HNRNPU: variants seen among roughly 807,000 people sequenced by gnomAD.
HNRNPU encodes the protein heterogeneous nuclear ribonucleoprotein U, also known as HNRNPU antisense RNA 1.
In HNRNPU, 5 loss-of-function variants were observed where a neutral mutation model predicts 94.7. The observed-to-expected ratio is 0.05, with a 90% CI of 0.03 to 0.11. The LOEUF is 0.11. Ranked by LOEUF, HNRNPU falls within the 10% of genes least tolerant of loss-of-function variation. The pLI, the probability that HNRNPU is intolerant of heterozygous loss-of-function variation, is 1.00. For missense variants in HNRNPU, 710 were observed against 1,049.2 expected (o/e 0.68, Z 4.47); for synonymous variants, 434 against 381.6 (o/e 1.14, Z -1.60).
rs1333336140 is a variant in HNRNPU at position 244,853,068 on chromosome 1, T to G, written c.*1382A>C. The G allele has an allele frequency of 6.6e-6, 1 of 152,574 alleles. No homozygotes were observed. The highest frequency in any genetic ancestry group is 1.5e-5 in the Non-Finnish European group (1 of 68,016). The allele number at this position is 152,574 out of a possible 1,614,324, so 9.5% of individuals were successfully genotyped here. A position where few individuals can be genotyped will look rare whatever the true frequency, so the allele number is the denominator to read the frequency against. ...ATCCCAGAGTTTCATGTATCATATATATGTATATAAAATAATCAGTTGAGG... is the reference window on the plus strand; with the variant it reads ...ATCCCAGAGTTTCATGTATCATATAGATGTATATAAAATAATCAGTTGAGG... On this transcript the variant is annotated 3_prime_UTR_variant, in exon 14 of 14. Transcript: ENST00000640218.
intron 5 of HNRNPU, 183 bp downstream of exon 5, chr1:244,859,092 C>A: frequency 1.7e-6 from 1 of 578,384 alleles, no homozygotes; most frequent in South Asian, 2.4e-5. Context: ...TCATAAACTT[C>A]TAATAAAGGA....
chr1:244,858,333 C>T, intron 6 of HNRNPU, 59 bp from the exon 7 acceptor site: 1 of 1,493,334 alleles, frequency 6.7e-7, no homozygotes, highest in Non-Finnish European at 9.1e-7. Context: ...TTCTAAAAAA[C>T]TAAGAATTAA....
In HNRNPU at chr1:244,862,552, C is replaced by T; in HGVS notation, c.804-18G>A. 6.2e-7 allele frequency: 1 copy of T among 1,612,450 alleles called. No individual in the cohort carries two copies. Among genetic ancestry groups the T allele is most frequent in the Non-Finnish European group, 8.5e-7 (1 of 1,178,478 alleles). ...ATTTGGCTCTGAAAGACAGAATTGT[C>T]TCCTGATACAGCTTTCCGATCAACG... On this transcript the variant is annotated intron_variant, in intron 2 of 13. Transcript: ENST00000640218.
Position 244,856,520 on chromosome 1 carries a change from T to C in HNRNPU, c.1849A>G (p.Thr617Ala). 6.2e-7 allele frequency: 1 copy of C among 1,614,140 alleles called. No individual in the cohort carries two copies. The change falls in exon 10 of 14, where the codon ACA becomes GCA. Residue 617 changes from threonine to alanine, a missense_variant. Around this residue, in one of 8 missense-constraint regions of HNRNPU, gnomAD observed 31 missense variants for 132.4 expected, o/e 0.23. Coordinates refer to ENST00000640218, the MANE Select transcript of HNRNPU (RefSeq NM_031844.3). ...CCCTCTACTTCTGCTTTCTTCTGTG[T>C]TCTTTGCTTATAGTCTTCATCTTTT... is the stretch of plus-strand genomic sequence containing the variant. ...CPKDEDYKQR[T>A]QKKAEVEGKD...
At chr1:244,863,420 A>ACACACACG (rs555181156) in intron 1 of HNRNPU, among the ~76,000 whole-genome samples, 197 bp downstream of exon 1, 23 of 138,878 alleles carry the variant, frequency 1.7e-4, no homozygotes, top group South Asian at 4.7e-4. Context: ...ACACACACAC[A>ACACACACG]CGCGCGCGCG....
At position 244,863,516 on chromosome 1, in the gene HNRNPU, G is replaced by A. The variant is rs1007711309; in HGVS notation, c.691+101C>T. The A allele has an allele frequency of 3.7e-5, 20 of 546,642 alleles. No individual in the cohort carries two copies. In the African/African-American group the frequency reaches 3.8e-4, roughly 10 times the overall value. The allele number at this position is 546,642 out of a possible 1,614,324, so 33.9% of individuals were successfully genotyped here. A position where few individuals can be genotyped will look rare whatever the true frequency, so the allele number is the denominator to read the frequency against. On this transcript the variant is annotated intron_variant, in intron 1 of 13. Coordinates refer to ENST00000640218, the MANE Select transcript of HNRNPU (RefSeq NM_031844.3). Reference sequence around the variant, plus strand: ...CCCACCCTCACCGCGGCGCCCTCCCGCCCGGGGCTCCCTCCCCCTGCGGGG... The same window carrying A: ...CCCACCCTCACCGCGGCGCCCTCCCACCCGGGGCTCCCTCCCCCTGCGGGG...
chr1:244,855,113 G>A lies in HNRNPU; in HGVS notation c.2353-69C>T, dbSNP rs574175693. 12 of 1,257,794 alleles carry A rather than the reference G, an allele frequency of 9.5e-6. No individual in the cohort carries two copies. In the African/African-American group the frequency reaches 1.6e-4, roughly 17 times the overall value. 77.9% of individuals were successfully genotyped at this position (1,257,794 alleles called of 1,614,324 possible). On this transcript the variant is annotated intron_variant, in intron 12 of 13. Coordinates refer to ENST00000640218, the MANE Select transcript of HNRNPU (RefSeq NM_031844.3). ...TTGTTAGGTTTGTGGGGGTGAGAGA[G>A]AGGAGCAGAAATGGACAGGTTGCTA...
chr1:244,859,541 T>A (rs1680772015), intron 4 of HNRNPU, 167 bp from the exon 5 acceptor site: 2 of 439,566 alleles, frequency 4.5e-6, no homozygotes, highest in African/African-American at 2.0e-5. Context: ...CTGATGTGCT[T>A]ATAACTTGAA....
chr1:244,855,786 CT>C, intron 11 of HNRNPU, 117 bp downstream of exon 11: 1 of 1,295,448 alleles, frequency 7.7e-7, no homozygotes. Context: ...CACATGAATA[CT>C]TTAGTTACTG....
rs1680930228 is a variant in HNRNPU, at chr1:244,863,985, T to C, written c.323A>G (p.Glu108Gly). The C allele has an allele frequency of 1.2e-6, 2 of 1,613,572 alleles. No homozygotes were observed. Among genetic ancestry groups the C allele is most frequent in the African/African-American group, 2.7e-5 (2 of 74,914 alleles). Reference sequence around the variant, plus strand: ...GGCCGCCCCCGCGGCCCCGTTCTCCTCTCCTAGCTCCATCTGGTCGCCGTC... The same window carrying C: ...GGCCGCCCCCGCGGCCCCGTTCTCCCCTCCTAGCTCCATCTGGTCGCCGTC... The part of the protein sequence containing the change: ...ALDGDQMELG[E>G]ENGAAGAADS... Residue 108 changes from glutamate (E) to glycine (G), a missense_variant, in exon 1 of 14, where the codon GAG (glutamate) becomes GGG (glycine). This residue lies in a region of HNRNPU where 292 missense variants were observed against 293.4 expected (regional missense o/e 1.00). Transcript: ENST00000640218.
intron 3 of HNRNPU, 97 bp from the exon 4 acceptor site, chr1:244,860,571 C>T: frequency 1.1e-6 from 1 of 891,898 alleles, no homozygotes; most frequent in Non-Finnish European, 1.7e-6. Context: ...GCATGTACTT[C>T]TTAATGCTGC....
chr1:244,862,332 C>A, intron 3 of HNRNPU, 129 bp downstream of exon 3: 1 of 636,626 alleles, frequency 1.6e-6, no homozygotes, highest in East Asian at 2.7e-5. Flanking sequence ...GAATGTAAAC[C>A]ATTATCTTCC....
At chr1:244,861,634 C>T (rs1025374277) in intron 3 of HNRNPU, 1 of 151,920 alleles carries the variant, frequency 6.6e-6, no homozygotes, top group African/African-American at 2.4e-5. Context: ...ACACAGCAGG[C>T]TGACACCATA....
chr1:244,864,478 C>T lies in HNRNPU; in HGVS notation c.-171G>A, dbSNP rs1333514176. On this transcript the variant is annotated 5_prime_UTR_variant, in exon 1 of 14. Coordinates refer to ENST00000640218, the MANE Select transcript of HNRNPU (RefSeq NM_031844.3). ...CGCCTGGTGTCGAACGGCGCCAATT[C>T]CTTTCACCGAGTTCGCGAGGGAGAC... 3.5e-6 allele frequency: 4 copies of T among 1,157,868 alleles called. No individual in the cohort carries two copies. Among genetic ancestry groups the T allele is most frequent in the East Asian group, 2.8e-5 (1 of 35,242 alleles). 71.7% of individuals were successfully genotyped at this position (1,157,868 alleles called of 1,614,324 possible).
Position 244,864,069 on chromosome 1 carries a change from G to T in HNRNPU, c.239C>A (p.Ala80Asp), listed in dbSNP as rs1225658657. The T allele has an allele frequency of 1.2e-6, 2 of 1,602,376 alleles. No individual in the cohort carries two copies. The highest frequency in any genetic ancestry group is 8.5e-7 in the Non-Finnish European group (1 of 1,174,966). Reference sequence around the variant, plus strand: ...TTCCTCCTCCTCTTCATCGCCGCCGGCCGCGGCCTCCTGCTCGAGGCCTGC... The same window carrying T: ...TTCCTCCTCCTCTTCATCGCCGCCGTCCGCGGCCTCCTGCTCGAGGCCTGC... ...SGAGLEQEAA[A>D]GGDEEEEEEE... The change falls in exon 1 of 14, where the codon GCC becomes GAC. Residue 80 changes from alanine to aspartate, a missense_variant. Ala to Asp is a moderately radical substitution (Grantham distance 126). Transcript: ENST00000640218.
chr1:244,856,344 T>C (rs1055588907), intron 10 of HNRNPU, 113 bp downstream of exon 10: 2 of 1,256,418 alleles, frequency 1.6e-6, no homozygotes, highest in Non-Finnish European at 1.1e-6. Context: ...AATGTTAACT[T>C]TCAGGAGGCC....
chr1:244,858,914 G>A (rs1040423119), intron 5 of HNRNPU, 73 bp from the exon 6 acceptor site: 21 of 722,820 alleles, frequency 2.9e-5, no homozygotes, highest in Non-Finnish European at 5.1e-5. Context: ...TACTACTTAA[G>A]ATGTAGGCTA....
At chr1:244,862,089 T>C (rs1553283314) in intron 3 of HNRNPU, 2 of 177,234 alleles carry the variant, frequency 1.1e-5, no homozygotes, top group Non-Finnish European at 2.4e-5. Flanking sequence ...CTAGCCCAAA[T>C]AGCTCACTTA....
rs1573326649 is a variant in HNRNPU, at chr1:244,852,456, G to C, written c.*1994C>G. On this transcript the variant is annotated 3_prime_UTR_variant, in exon 14 of 14. Coordinates refer to ENST00000640218, the MANE Select transcript of HNRNPU (RefSeq NM_031844.3). ...ATCCAAAACTTTTTAAAGGCACAAAGGACAACTTTAGGACACAACACTGAT... is the reference window on the plus strand; with the variant it reads ...ATCCAAAACTTTTTAAAGGCACAAACGACAACTTTAGGACACAACACTGAT... The C allele has an allele frequency of 6.6e-6, 1 of 152,070 alleles. No individual in the cohort carries two copies. 9.4% of individuals were successfully genotyped at this position (152,070 alleles called of 1,614,324 possible). A position where few individuals can be genotyped will look rare whatever the true frequency, so the allele number is the denominator to read the frequency against.
Sources: allele counts gnomAD v4.1 joint callset (sites outside exome capture counted in the v4.1 genomes callset), GRCh38; gene constraint gnomAD v4.1.1; regional missense constraint gnomAD v4.1.1; transcripts MANE v1.5; gene names NCBI Gene and HGNC (gene_info 2026-07-23, HGNC 2026-07-21).